Variants in SEC14L2 observed in about 807,000 individuals in gnomAD.
The protein encoded by SEC14L2 is SEC14 like lipid binding 2.
Under a neutral mutation model 56.9 loss-of-function variants are expected in SEC14L2, and 50 were observed. The observed-to-expected ratio is 0.88, with a 90% confidence interval of 0.70 to 1.11. The LOEUF (loss-of-function observed/expected upper bound fraction) is 1.11. SEC14L2 is among the 50% of genes most tolerant of loss of function. SEC14L2 has a pLI of 0.00. For missense variants in SEC14L2, 414 were observed against 500.7 expected, an observed-to-expected ratio of 0.83 and a Z score of 1.65; for synonymous variants, 179 against 188.5, an observed-to-expected ratio of 0.95 and a Z score of 0.41.
rs376604452 is a variant in SEC14L2 at position 30,416,208 on chromosome 22, G to A, written c.912-26G>A. 2.5e-6 allele frequency: 4 copies of A among 1,611,130 alleles called. No homozygotes were observed. In the African/African-American group the frequency reaches 4.0e-5, roughly 16 times the overall value. On this transcript the variant is annotated intron_variant, in intron 10 of 11. Coordinates refer to ENST00000615189, the MANE Select transcript of SEC14L2 (RefSeq NM_012429.5). ...AGAGGGCACACACAGACAGAATTAT[G>A]TCTCAATTGGTGATATCCCCTGCAG...
Position 30,411,290 on chromosome 22 carries a change from T to C in SEC14L2, c.664+611T>C, listed in dbSNP as rs181974417. Among the ~76,000 whole-genome samples the C allele has an allele frequency of 4.1e-4, 62 of 151,790 alleles. 1 individual carries two copies. The highest frequency in any genetic ancestry group is 1.5e-3 in the African/African-American group (62 of 41,388). ...AAAAAGACCTAGAGAGAGAAAGCTA[T>C]GATATAAACTAGAAAAGACAGTAGA... On this transcript the variant is annotated intron_variant, in intron 8 of 11. Coordinates refer to ENST00000615189, the MANE Select transcript of SEC14L2 (RefSeq NM_012429.5).
At position 30,422,496 on chromosome 22, in the gene SEC14L2, C is replaced by T. The variant is rs966036811; in HGVS notation, c.*89C>T. 6.6e-7 allele frequency: 1 copy of T among 1,525,332 alleles called. No homozygotes were observed. The highest frequency in any genetic ancestry group is 2.3e-4 in the Middle Eastern group (1 of 4,354). 94.5% of individuals were successfully genotyped at this position (1,525,332 alleles called of 1,614,324 possible). A position where few individuals can be genotyped will look rare whatever the true frequency, so the allele number is the denominator to read the frequency against. The stretch of plus-strand genomic sequence containing the variant: ...CAGTCATTTTCGCACAACCCTGAAG[C>T]CCAAAGAAACTGGGCTGGAGGACAG... On this transcript the variant is annotated 3_prime_UTR_variant, in exon 12 of 12. Transcript: ENST00000615189.
intron 8 of SEC14L2, among the ~76,000 whole-genome samples, chr22:30,412,238 G>A (rs1449152063): frequency 6.6e-6 from 1 of 152,106 alleles, no homozygotes; most frequent in Non-Finnish European, 1.5e-5. Flanking sequence ...CTACCAGTTT[G>A]CACGAGCCTC....
intron 1 of SEC14L2, chr22:30,397,586 C>A: frequency 3.5e-6 from 1 of 287,704 alleles, no homozygotes; most frequent in African/African-American, 2.3e-5. Context: ...ATGGAAAGGG[C>A]TCTGGATAGC....
intron 3 of SEC14L2, among the ~76,000 whole-genome samples, 172 bp downstream of exon 3, chr22:30,406,557 G>C (rs149395644): frequency 6.6e-6 from 1 of 152,158 alleles, no homozygotes; most frequent in East Asian, 1.9e-4. Context: ...GGCAACACAG[G>C]CTTTCATAGC....
rs1161726633 is a variant in SEC14L2, at chr22:30,397,107, T to C, written c.-10T>C. The C allele has an allele frequency of 5.8e-6, 9 of 1,546,370 alleles. No homozygotes were observed. Among genetic ancestry groups the C allele is most frequent in the African/African-American group, 4.1e-5 (3 of 72,520 alleles). On this transcript the variant is annotated 5_prime_UTR_variant, in exon 1 of 12. Coordinates refer to ENST00000615189, the MANE Select transcript of SEC14L2 (RefSeq NM_012429.5). ...CCGCCCCCAAACCCCATCCCCGCGG[T>C]TGAGCCACGATGAGCGGCAGAGTCG...
In SEC14L2 at chr22:30,422,387, G is replaced by C. The variant is rs1019019416; in HGVS notation, c.1192G>C (p.Gly398Arg). 1.9e-6 allele frequency: 3 copies of C among 1,614,074 alleles called. No homozygotes were observed. The African/African-American group carries it at 4.0e-5, about 22-fold the overall frequency. ...CTCAGAAGAGAAGATGAAACAGCTG[G>C]GGGCAGGCACCCCGAAATAACACCT... is the stretch of plus-strand genomic sequence containing the variant. ...KASEEKMKQL[G>R]AGTPK Residue 398 changes from glycine (G) to arginine (R), a missense_variant, in exon 12 of 12, where the codon GGG becomes CGG. By Grantham distance (125) the Gly-to-Arg change is moderately radical. Coordinates refer to ENST00000615189, the MANE Select transcript of SEC14L2 (RefSeq NM_012429.5).
intron 1 of SEC14L2, 101 bp from the exon 2 acceptor site, chr22:30,399,525 AAAAAAAAAAAAAGAAAC>A: frequency 1.8e-6 from 1 of 541,658 alleles, no homozygotes; most frequent in Non-Finnish European, 3.1e-6. Flanking sequence ...AAAAAAAAAA[AAAAAAAAAAAAAGAAAC>A]AAAGAAAGAG....
Position 30,415,948 on chromosome 22 carries a change from A to C in SEC14L2, c.772A>C (p.Ile258Leu). 6.2e-7 allele frequency: 1 copy of C among 1,614,174 alleles called. No homozygotes were observed. Among genetic ancestry groups the C allele is most frequent in the African/African-American group, 1.3e-5 (1 of 75,052 alleles). ...PDGNPKCKSK[I>L]NYGGDIPRKY... ...AGTTCACTCCATGCCATGCTTCTAG[A>C]TCAACTACGGGGGTGACATCCCCAG... The change falls in exon 10 of 12, where the codon ATC becomes CTC. Residue 258 changes from isoleucine (I) to leucine (L), a missense_variant and splice_region_variant. By Grantham distance (5) the Ile-to-Leu change is conservative (BLOSUM62 2). Transcript: ENST00000615189.
chr22:30,416,029 T>A lies in SEC14L2; in HGVS notation c.853T>A (p.Ser285Thr). The change falls in exon 10 of 12, where the codon TCC becomes ACC. Residue 285 changes from serine to threonine, a missense_variant. By Grantham distance (58) the Ser-to-Thr change is moderately conservative (BLOSUM62 1). Transcript: ENST00000615189. ...KQQYEHSVQI[S>T]RGSSHQVEYE... ...GCAGTATGAACACAGCGTGCAGATTTCCCGTGGCTCCTCCCACCAAGTGGA... is the reference window on the plus strand; with the variant it reads ...GCAGTATGAACACAGCGTGCAGATTACCCGTGGCTCCTCCCACCAAGTGGA... 1.8e-5 allele frequency: 29 copies of A among 1,614,230 alleles called. No homozygotes were observed. The highest frequency in any genetic ancestry group is 2.3e-5 in the Non-Finnish European group (27 of 1,180,044).
At chr22:30,411,111 A>C (rs1195895249) in intron 8 of SEC14L2, among the ~76,000 whole-genome samples, 1 of 152,076 alleles carries the variant, frequency 6.6e-6, no homozygotes, top group Non-Finnish European at 1.5e-5. Context: ...AAAAAATAAA[A>C]AATAGCTGGG....
intron 2 of SEC14L2, among the ~76,000 whole-genome samples, chr22:30,405,595 G>A (rs771576106): frequency 6.6e-6 from 1 of 152,158 alleles, no homozygotes; most frequent in Non-Finnish European, 1.5e-5. Flanking sequence ...GACAAGGTTG[G>A]GTGGAGGCTC....
chr22:30,422,716 G>A lies in SEC14L2; in HGVS notation c.*309G>A. The stretch of plus-strand genomic sequence containing the variant: ...TGGCGGGGGGCATGTACCACAGGGT[G>A]GCAGCAGGGAAAAAAATTAGAAAAG... On this transcript the variant is annotated 3_prime_UTR_variant, in exon 12 of 12. Coordinates refer to ENST00000615189, the MANE Select transcript of SEC14L2 (RefSeq NM_012429.5). The A allele has an allele frequency of 3.9e-6, 1 of 257,716 alleles. No individual in the cohort carries two copies. Among genetic ancestry groups the A allele is most frequent in the Non-Finnish European group, 7.5e-6 (1 of 134,100 alleles). 16.0% of individuals were successfully genotyped at this position (257,716 alleles called of 1,614,324 possible). A position where few individuals can be genotyped will look rare whatever the true frequency, so the allele number is the denominator to read the frequency against.
intron 3 of SEC14L2, 98 bp from the exon 4 acceptor site, chr22:30,406,997 C>A: frequency 1.7e-6 from 2 of 1,194,826 alleles, no homozygotes; most frequent in African/African-American, 1.5e-5. Context: ...AGTGATCCAC[C>A]CGCCTTGGCC....
At chr22:30,407,839 G>A (rs1463862088) in intron 5 of SEC14L2, among the ~76,000 whole-genome samples, 3 of 152,016 alleles carry the variant, frequency 2.0e-5, no homozygotes, top group Non-Finnish European at 4.4e-5. Flanking sequence ...AAAGTGCTGG[G>A]ATTACAGGTG....
At chr22:30,417,718 T>C (rs1039951633) in intron 11 of SEC14L2, among the ~76,000 whole-genome samples, 2 of 152,108 alleles carry the variant, frequency 1.3e-5, no homozygotes, top group African/African-American at 4.8e-5. Flanking sequence ...CTGCAGACAA[T>C]GCCGGGAGAT....
intron 11 of SEC14L2, chr22:30,421,107 C>A (rs183133767): frequency 2.0e-5 from 3 of 152,218 alleles, no homozygotes; most frequent in Middle Eastern, 3.4e-3. Flanking sequence ...ATGGCCCCTG[C>A]GCGAGGATGA....
intron 11 of SEC14L2, chr22:30,420,394 A>G (rs1180309084): frequency 1.3e-5 from 2 of 152,154 alleles, no homozygotes; most frequent in Non-Finnish European, 2.9e-5. Flanking sequence ...AGCTGCAATG[A>G]CTCCACTTCC....
At position 30,416,258 on chromosome 22, in the gene SEC14L2, G is replaced by A. The variant is rs201680562; in HGVS notation, c.936G>A (p.Ala312=). The A allele has an allele frequency of 3.1e-5, 50 of 1,614,222 alleles. No homozygotes were observed. In the East Asian group the frequency reaches 4.2e-4, roughly 14 times the overall value. ...GGTGGCAGTTTATGTCAGATGGAGC[G>A]GATGTTGGTTTTGGGATTTTCCTGA... ...VLRWQFMSDG[A]DVGFGIFLKT... is the part of the protein sequence containing the mutation. Residue 312 remains alanine (A), a synonymous_variant, in exon 11 of 12, where the codon GCG becomes GCA. Transcript: ENST00000615189.
Sources: allele counts gnomAD v4.1 joint callset (sites outside exome capture counted in the v4.1 genomes callset), GRCh38; gene constraint gnomAD v4.1.1; transcripts MANE v1.5; gene names NCBI Gene and HGNC (gene_info 2026-07-23, HGNC 2026-07-21).